Variants in EFHB observed in about 807,000 individuals in gnomAD.
EFHB encodes the protein EF-hand domain-containing family member B.
EFHB carries 91 observed loss-of-function variants against 87.2 expected under a neutral mutation model. The observed-to-expected ratio is 1.04, with a 90% CI of 0.88 to 1.24. The LOEUF is 1.24. Ranked by LOEUF, EFHB falls within the 50% of genes most tolerant of loss-of-function variation. The pLI is 0.00. For synonymous variants in EFHB, 325 were observed against 333.6 expected (o/e 0.97, Z 0.28); for missense variants, 1,084 against 998.8 (o/e 1.09, Z -1.15).
At chr3:19,916,941 T>C (rs1575030459) in intron 4 of EFHB, among the ~76,000 whole-genome samples, 1 of 152,178 alleles carries the variant, frequency 6.6e-6, no homozygotes, top group African/African-American at 2.4e-5. Context: ...AATACAGATA[T>C]ATACATTTTT....
In EFHB at chr3:19,915,933, G is replaced by C. The variant is rs1299272782; in HGVS notation, c.1178-520C>G. On this transcript the variant is annotated intron_variant, in intron 4 of 12. Transcript: ENST00000295824. ...GTGGAGGTTGCAGTGAGCCGAGATGGCACCACTGTACTCCAGCCTGGGCAA... is the reference window on the plus strand; with the variant it reads ...GTGGAGGTTGCAGTGAGCCGAGATGCCACCACTGTACTCCAGCCTGGGCAA... Among the ~76,000 whole-genome samples the C allele has an allele frequency of 2.0e-5, 3 of 151,988 alleles. No individual in the cohort carries two copies. The East Asian group carries it at 5.8e-4, about 29-fold the overall frequency.
At chr3:19,900,038 A>G (rs954583879) in intron 6 of EFHB, among the ~76,000 whole-genome samples, 1 of 152,092 alleles carries the variant, frequency 6.6e-6, no homozygotes, top group African/African-American at 2.4e-5. Context: ...ACGTCACTGT[A>G]CTCCAGCCTG....
upstream of EFHB, among the ~76,000 whole-genome samples, chr3:19,935,571 G>T (rs548597385): frequency 2.9e-4 from 44 of 152,034 alleles, no homozygotes; most frequent in African/African-American, 1.0e-3. Context: ...AATTAGCTGG[G>T]CATGGTGTCC....
At chr3:19,940,704 T>C (rs1696136735) in intron 1 of EFHB, 3 of 352,464 alleles carry the variant, frequency 8.5e-6, no homozygotes, top group South Asian at 6.8e-5. Flanking sequence ...TCCTGTACTC[T>C]TGTGCACAGC....
upstream of EFHB, among the ~76,000 whole-genome samples, chr3:19,934,950 G>A (rs778426414): frequency 3.3e-5 from 5 of 149,578 alleles, no homozygotes; most frequent in Non-Finnish European, 1.5e-5. Context: ...TCCCTTTGTC[G>A]CCCAGGCTGG....
At chr3:19,903,003 C>T (rs1694724029) in intron 6 of EFHB, among the ~76,000 whole-genome samples, 1 of 151,840 alleles carries the variant, frequency 6.6e-6, no homozygotes, top group African/African-American at 2.4e-5. Context: ...ATGGTGAAAC[C>T]CCATCTCTAC....
intron 5 of EFHB, among the ~76,000 whole-genome samples, chr3:19,908,596 G>C (rs546383856): frequency 3.1e-5 from 3 of 97,102 alleles, no homozygotes; most frequent in Non-Finnish European, 6.4e-5. Flanking sequence ...GAGAGAGAGA[G>C]AGAGAAAGAA....
At chr3:19,904,720 G>C (rs1008608319) in intron 6 of EFHB, among the ~76,000 whole-genome samples, 3 of 152,158 alleles carry the variant, frequency 2.0e-5, no homozygotes, top group Non-Finnish European at 4.4e-5. Flanking sequence ...TTCATCCCAA[G>C]ATCCTTAATT....
At chr3:19,919,370 T>C (rs1334661327) in intron 3 of EFHB, among the ~76,000 whole-genome samples, 1 of 151,566 alleles carries the variant, frequency 6.6e-6, no homozygotes, top group Non-Finnish European at 1.5e-5. Context: ...GCTGCTTTTT[T>C]TTTTTTTTTT....
intron 5 of EFHB, among the ~76,000 whole-genome samples, chr3:19,907,815 T>C (rs1285259505): frequency 1.3e-5 from 2 of 152,186 alleles, no homozygotes; most frequent in Non-Finnish European, 1.5e-5. Flanking sequence ...ACTCAAATAA[T>C]GTAAATAAAA....
intron 9 of EFHB, chr3:19,894,989 A>AAAATATATATATATATAT (rs369564576): frequency 6.9e-5 from 10 of 144,516 alleles, no homozygotes; most frequent in African/African-American, 2.6e-4. Flanking sequence ...TGTCTCAAAA[A>AAAATATATATATATATAT]ATATATATAT....
Position 19,934,012 on chromosome 3 carries a change from T to C in EFHB, c.7A>G (p.Met3Val), listed in dbSNP as rs1695933965. Residue 3 changes from methionine (M) to valine (V), a missense_variant, in exon 1 of 13, where the codon ATG becomes GTG. Physicochemically the swap from Met to Val is conservative, Grantham distance 21 (BLOSUM62 1). Coordinates refer to ENST00000295824, the MANE Select transcript of EFHB (RefSeq NM_144715.4). MNMEIGHPHEGKD... is the reference protein window; with the variant it reads MNVEIGHPHEGKD... ...CCTTCGTGGGGATGTCCAATCTCCA[T>C]GTTCATGGACGATTTCTCCCCATTC... 3 of 1,599,398 alleles carry C rather than the reference T, an allele frequency of 1.9e-6. No individual in the cohort carries two copies. Among genetic ancestry groups the C allele is most frequent in the Non-Finnish European group, 2.6e-6 (3 of 1,172,506 alleles).
intron 1 of EFHB, among the ~76,000 whole-genome samples, chr3:19,921,275 G>C (rs1366527209): frequency 6.6e-6 from 1 of 151,404 alleles, no homozygotes; most frequent in Non-Finnish European, 1.5e-5. Flanking sequence ...GTTAAGTGTT[G>C]AGTGTGGAAT....
At chr3:19,889,930 T>C (rs545972082) in intron 9 of EFHB, among the ~76,000 whole-genome samples, 1 of 152,130 alleles carries the variant, frequency 6.6e-6, no homozygotes, top group Non-Finnish European at 1.5e-5. Flanking sequence ...GAGGTTGCAG[T>C]GAGCCGAGAC....
At chr3:19,884,333 G>T in intron 11 of EFHB, 70 bp downstream of exon 11, 1 of 1,404,026 alleles carries the variant, frequency 7.1e-7, no homozygotes, top group Non-Finnish European at 9.8e-7. Context: ...GAGAAAGGCA[G>T]GGGACAATGC....
Position 19,882,557 on chromosome 3 carries a change from T to A in EFHB, c.2321A>T (p.Lys774Ile), listed in dbSNP as rs2071704205. The A allele has an allele frequency of 1.9e-6, 3 of 1,598,836 alleles. No homozygotes were observed. Among genetic ancestry groups the A allele is most frequent in the East Asian group, 4.5e-5 (2 of 44,774 alleles). Residue 774 changes from lysine to isoleucine, a missense_variant, in exon 12 of 13, where the codon AAA (lysine) becomes ATA (isoleucine). Lys to Ile is a moderately radical substitution (Grantham distance 102). Transcript: ENST00000295824. ...FERDFFKTRS[K>I]EEIAEILCNI... is the part of the protein sequence containing the mutation. ...TATGCTTATATGCTATACCTCTTCT[T>A]TTGATCTGGTCTTGAAGAAGTCTCT... is the stretch of plus-strand genomic sequence containing the variant.
At chr3:19,920,459 A>T (rs781402747) in intron 2 of EFHB, 46 bp downstream of exon 2, 2 of 1,486,336 alleles carry the variant, frequency 1.3e-6, no homozygotes, top group African/African-American at 1.4e-5. Flanking sequence ...TAATGTTCAC[A>T]TAGAAGGTAA....
intron 1 of EFHB, among the ~76,000 whole-genome samples, chr3:19,944,441 GAC>G (rs1161853357): frequency 6.6e-6 from 1 of 152,104 alleles, no homozygotes; most frequent in Non-Finnish European, 1.5e-5. Context: ...CTCCACATTT[GAC>G]ACTAAAATAT....
chr3:19,896,655 G>A lies in EFHB; in HGVS notation c.1725+32C>T, dbSNP rs753161054. The A allele has an allele frequency of 1.9e-6, 3 of 1,613,826 alleles. No individual in the cohort carries two copies. The Admixed American group carries it at 5.0e-5, about 27-fold the overall frequency. On this transcript the variant is annotated intron_variant, in intron 9 of 12. Transcript: ENST00000295824. ...AAACTGCTGGGATCTGTAAGCCCAT[G>A]CATTACCAAAAAGCTCTCCCCCATT...
Sources: gnomAD v4.1 joint callset for allele counts (sites outside exome capture counted in the v4.1 genomes callset) on GRCh38, gnomAD v4.1.1 for gene constraint, MANE v1.5 for transcripts, NCBI Gene and HGNC (gene_info 2026-07-23, HGNC 2026-07-21) for gene names.